Variants in MAOB observed in about 807,000 individuals in gnomAD.
MAOB encodes the protein amine oxidase [flavin-containing] B.
A neutral mutation model predicts 41.9 loss-of-function variants in MAOB; 15 were observed. The observed-to-expected ratio is 0.36, with a 90% CI of 0.24 to 0.55. The LOEUF is 0.55. Ranked by LOEUF, MAOB falls within the 20% of genes least tolerant of loss-of-function variation. MAOB has a pLI of 0.86. For synonymous variants in MAOB, 167 were observed against 144.2 expected (o/e 1.16, Z -1.13); for missense variants, 345 against 398.7 (o/e 0.87, Z 1.15).
chrX:43,816,066 T>A, intron 3 of MAOB, among the ~76,000 whole-genome samples: 1 of 111,939 alleles, frequency 8.9e-6, no homozygotes, highest in Non-Finnish European at 1.9e-5. Context: ...CCTAATAGCA[T>A]GATTGAATTT....
chrX:43,881,491 G>A (rs182474435), intron 1 of MAOB, among the ~76,000 whole-genome samples: 142 of 112,415 alleles, frequency 1.3e-3, no homozygotes, highest in African/African-American at 4.1e-3. Context: ...CAGAGGGTAA[G>A]TTCCACCACT....
chrX:43,843,302 A>G (rs2035159503), intron 2 of MAOB, among the ~76,000 whole-genome samples: 1 of 108,381 alleles, frequency 9.2e-6, no homozygotes, highest in Non-Finnish European at 1.9e-5. Flanking sequence ...CATCGAAGTT[A>G]GGAGTGGAAA....
chrX:43,860,209 T>G (rs2035322944), intron 1 of MAOB, among the ~76,000 whole-genome samples: 1 of 111,981 alleles, frequency 8.9e-6, no homozygotes, highest in South Asian at 3.8e-4. Flanking sequence ...AGCCTCTTCT[T>G]TTTTCAATTA....
intron 3 of MAOB, among the ~76,000 whole-genome samples, chrX:43,809,961 G>GTTCAATTTGATTTACAGTAGCT (rs2034721730): frequency 9.2e-6 from 1 of 109,002 alleles, no homozygotes; most frequent in African/African-American, 3.5e-5. Context: ...GCTATTGGAA[G>GTTCAATTTGATTTACAGTAGCT]GGCCGGGCGC....
intron 12 of MAOB, among the ~76,000 whole-genome samples, chrX:43,769,869 A>G (rs2034159502): frequency 9.0e-6 from 1 of 111,441 alleles, no homozygotes; most frequent in Non-Finnish European, 1.9e-5. Context: ...TGGTCCACTG[A>G]TTTCTAAGAC....
At chrX:43,852,851 A>G (rs2035260806) in intron 1 of MAOB, among the ~76,000 whole-genome samples, 1 of 111,382 alleles carries the variant, frequency 9.0e-6, no homozygotes, top group African/African-American at 3.3e-5. Flanking sequence ...TGGGTTCCTT[A>G]GAGTGATATC....
At chrX:43,773,378 G>C (rs1388125988) in intron 12 of MAOB, among the ~76,000 whole-genome samples, 1 of 111,976 alleles carries the variant, frequency 8.9e-6, no homozygotes, top group Non-Finnish European at 1.9e-5. Context: ...CAGTACTTTA[G>C]AGTCAATTTT....
At chrX:43,821,216 G>A (rs942446471) in intron 3 of MAOB, among the ~76,000 whole-genome samples, 1 of 111,528 alleles carries the variant, frequency 9.0e-6, no homozygotes, top group African/African-American at 3.3e-5. Flanking sequence ...AGAGCTTCTC[G>A]CCTTTACAGC....
At chrX:43,805,543 T>G (rs2034652435) in intron 3 of MAOB, among the ~76,000 whole-genome samples, 1 of 111,964 alleles carries the variant, frequency 8.9e-6, no homozygotes, top group African/African-American at 3.2e-5. Flanking sequence ...TTTAATGGAC[T>G]CATACAAGAT....
intron 1 of MAOB, among the ~76,000 whole-genome samples, chrX:43,875,946 CATTT>C (rs1170714819): frequency 9.0e-6 from 1 of 110,836 alleles, no homozygotes; most frequent in Non-Finnish European, 1.9e-5. Context: ...TTAATAACCA[CATTT>C]ATTTATTAAT....
At position 43,766,702 on chromosome X, in the gene MAOB, A is replaced by C. The variant is rs1460324817; in HGVS notation, c.*764T>G. 4 of 111,973 alleles carry C rather than the reference A, an allele frequency of 3.6e-5. No homozygotes were observed. The highest frequency in any genetic ancestry group is 2.9e-4 in the Admixed American group (3 of 10,515). The allele number at this position is 111,973 out of a possible 1,213,427, so 9.2% of individuals were successfully genotyped here. A position where few individuals can be genotyped will look rare whatever the true frequency, so the allele number is the denominator to read the frequency against. On this transcript the variant is annotated 3_prime_UTR_variant, in exon 15 of 15. Coordinates refer to ENST00000378069, the MANE Select transcript of MAOB (RefSeq NM_000898.5). ...AGGATACAAAAGGAAGAAGAGATAA[A>C]ATTTCTACCATCAAAAAAGTTAAAA...
intron 2 of MAOB, among the ~76,000 whole-genome samples, chrX:43,840,656 G>T (rs1408522162): frequency 9.0e-6 from 1 of 110,793 alleles, no homozygotes; most frequent in South Asian, 3.9e-4. Flanking sequence ...TAAGCAGGGT[G>T]GGGTGTCGCC....
chrX:43,856,079 G>A (rs1234693495), intron 1 of MAOB, among the ~76,000 whole-genome samples: 1 of 111,672 alleles, frequency 9.0e-6, no homozygotes, highest in African/African-American at 3.3e-5. Flanking sequence ...TTTTTAAGCA[G>A]CGTTCAACTT....
Position 43,769,352 on chromosome X carries a change from G to T in MAOB, c.1302C>A (p.Gly434=). 8.3e-7 allele frequency: 1 copy of T among 1,208,788 alleles called. No homozygotes were observed. Among genetic ancestry groups the T allele is most frequent in the Non-Finnish European group, 1.1e-6 (1 of 894,639 alleles). The change falls in exon 13 of 15, where the codon GGC becomes GGA. Residue 434 remains glycine, a synonymous_variant. Transcript: ENST00000378069. The part of the protein sequence containing the change: ...AGTETATHWS[G]YMEGAVEAGE... ...CGGCCTCTACAGCCCCCTCCATGTA[G>T]CCGCTCCAGTGTGTGGCAGTCTCGG...
chrX:43,783,294 C>T (rs901147194), intron 8 of MAOB, among the ~76,000 whole-genome samples: 4 of 111,926 alleles, frequency 3.6e-5, no homozygotes, highest in Non-Finnish European at 7.5e-5. Context: ...GTCCCAAACC[C>T]TCATTTCAAA....
chrX:43,782,840 T>C (rs2034351157), intron 8 of MAOB, among the ~76,000 whole-genome samples: 1 of 111,721 alleles, frequency 9.0e-6, no homozygotes, highest in South Asian at 3.8e-4. Flanking sequence ...GTTCAACATA[T>C]GCAAATCAAT....
At chrX:43,870,623 G>A (rs1017668608) in intron 1 of MAOB, among the ~76,000 whole-genome samples, 1 of 107,880 alleles carries the variant, frequency 9.3e-6, no homozygotes, top group East Asian at 2.9e-4. Context: ...GTGAAACTGC[G>A]TCTCTACTAA....
intron 5 of MAOB, among the ~76,000 whole-genome samples, chrX:43,800,481 G>A (rs982919028): frequency 9.0e-6 from 1 of 111,411 alleles, no homozygotes; most frequent in African/African-American, 3.3e-5. Context: ...TTAGGTAAAT[G>A]TTTAAAAGAA....
chrX:43,838,099 A>C, intron 3 of MAOB: 1 of 260,699 alleles, frequency 3.8e-6, no homozygotes, highest in Admixed American at 3.8e-5. Flanking sequence ...GTATTTCTGC[A>C]AATTTAAGAG....
Sources: gnomAD v4.1 joint callset for allele counts (sites outside exome capture counted in the v4.1 genomes callset) on GRCh38, gnomAD v4.1.1 for gene constraint, MANE v1.5 for transcripts, NCBI Gene and HGNC (gene_info 2026-07-23, HGNC 2026-07-21) for gene names.